The following LRGUK variants were observed in gnomAD, a reference collection of about 807,000 sequenced individuals.
The protein encoded by LRGUK is leucine rich repeats and guanylate kinase domain containing.
Under a neutral mutation model 76.0 loss-of-function variants are expected in LRGUK, and 65 were observed. The observed-to-expected ratio is 0.85, with a 90% CI of 0.70 to 1.05. LRGUK has a LOEUF of 1.05. Ranked by LOEUF, LRGUK falls within the 50% of genes least tolerant of loss-of-function variation. The probability of loss-of-function intolerance (pLI) is 0.00; values close to 1 mark genes in which losing one functional copy is unlikely to be tolerated. For missense variants in LRGUK, 758 were observed against 732.8 expected (o/e 1.03, Z -0.40); for synonymous variants, 268 against 265.6 (o/e 1.01, Z -0.09).
chr7:134,202,603 T>G (rs1043866104), intron 15 of LRGUK, among the ~76,000 whole-genome samples: 1 of 152,194 alleles, frequency 6.6e-6, no homozygotes, highest in African/African-American at 2.4e-5. Flanking sequence ...AATAGAATTT[T>G]ATTTGACCTT....
intron 7 of LRGUK, among the ~76,000 whole-genome samples, chr7:134,169,133 GACACAC>G (rs36204942): frequency 0.025 from 3,392 of 135,188 alleles, 47 homozygotes; most frequent in East Asian, 0.069. Context: ...AAGGGAAGAA[GACACAC>G]ACACACACAC....
chr7:134,144,942 A>G (rs2116853985), intron 4 of LRGUK, among the ~76,000 whole-genome samples: 1 of 152,238 alleles, frequency 6.6e-6, no homozygotes, highest in Non-Finnish European at 1.5e-5. Context: ...GCCTTGTCTG[A>G]AGCCACAGGG....
chr7:134,138,128 G>T, intron 2 of LRGUK, among the ~76,000 whole-genome samples: 1 of 152,168 alleles, frequency 6.6e-6, no homozygotes, highest in East Asian at 1.9e-4. Context: ...GCATTGCACT[G>T]TGTTTGACGC....
chr7:134,207,091 G>A (rs1801039923), intron 15 of LRGUK, among the ~76,000 whole-genome samples: 1 of 152,114 alleles, frequency 6.6e-6, no homozygotes, highest in African/African-American at 2.4e-5. Flanking sequence ...AGCAAAAGAA[G>A]CTTTAGCACA....
chr7:134,275,074 A>G, the LRGUK span, among the ~76,000 whole-genome samples: 1 of 151,716 alleles, frequency 6.6e-6, no homozygotes, highest in South Asian at 2.1e-4. Context: ...ATTTATAGTA[A>G]TTTGGAAGGT....
intron 16 of LRGUK, among the ~76,000 whole-genome samples, chr7:134,244,855 A>AT (rs1161836940): frequency 1.1e-4 from 17 of 152,304 alleles, no homozygotes; most frequent in Non-Finnish European, 2.2e-4. Context: ...CACATACACC[A>AT]CGAATACTAC....
At chr7:134,163,917 A>G (rs1375920080) in intron 7 of LRGUK, among the ~76,000 whole-genome samples, 1 of 152,190 alleles carries the variant, frequency 6.6e-6, no homozygotes, top group African/African-American at 2.4e-5. Flanking sequence ...GTGTTGCTCC[A>G]TATCTGCCAT....
chr7:134,263,980 G>C, exon 20 of LRGUK: 4 of 1,604,836 alleles, frequency 2.5e-6, no homozygotes, highest in Non-Finnish European at 3.4e-6. Flanking sequence ...AGGTAGACTA[G>C]CACTTGATGT....
At chr7:134,161,882 C>T (rs548947262) in intron 6 of LRGUK, among the ~76,000 whole-genome samples, 4 of 151,924 alleles carry the variant, frequency 2.6e-5, no homozygotes, top group African/African-American at 9.7e-5. Flanking sequence ...TTAGTAGAGA[C>T]GGAGTTTCAC....
intron 4 of LRGUK, among the ~76,000 whole-genome samples, chr7:134,146,081 A>G (rs1003447857): frequency 6.6e-6 from 1 of 152,050 alleles, no homozygotes; most frequent in African/African-American, 2.4e-5. Context: ...AAGACCAGCC[A>G]TGGTCAACAT....
chr7:134,143,077 G>A, exon 4 of LRGUK: 1 of 1,590,496 alleles, frequency 6.3e-7, no homozygotes, highest in Non-Finnish European at 8.6e-7. Flanking sequence ...TCTTGTGTGA[G>A]TTGTATGCCT....
chr7:134,219,606 G>A (rs1017086224), intron 15 of LRGUK, among the ~76,000 whole-genome samples: 2 of 151,874 alleles, frequency 1.3e-5, no homozygotes, highest in Non-Finnish European at 2.9e-5. Context: ...TTCCTAATGC[G>A]CTGTACTTAG....
At chr7:134,159,132 G>A (rs1416319463) in intron 6 of LRGUK, among the ~76,000 whole-genome samples, 1 of 152,030 alleles carries the variant, frequency 6.6e-6, no homozygotes, top group Non-Finnish European at 1.5e-5. Flanking sequence ...GAGTCCAGGA[G>A]TTCGAGACCA....
chr7:134,197,502 G>A (rs759850200), intron 13 of LRGUK, among the ~76,000 whole-genome samples: 3 of 152,148 alleles, frequency 2.0e-5, no homozygotes, highest in Non-Finnish European at 4.4e-5. Flanking sequence ...TTACATAAAA[G>A]GTTGTAGATA....
intron 17 of LRGUK, 139 bp from the exon 18 acceptor site, chr7:134,248,812 G>T (rs1278458180): frequency 7.1e-6 from 4 of 560,186 alleles, no homozygotes; most frequent in Non-Finnish European, 2.7e-6. Context: ...GCATGTTTCT[G>T]AGTGGATATA....
intron 15 of LRGUK, among the ~76,000 whole-genome samples, chr7:134,202,516 A>T (rs1452187628): frequency 6.6e-6 from 1 of 152,218 alleles, no homozygotes; most frequent in African/African-American, 2.4e-5. Context: ...TGAAGGCAGG[A>T]TCTCAAAAAG....
chr7:134,209,245 A>T (rs1185925380), exon 16 of LRGUK: 1 of 398,810 alleles, frequency 2.5e-6, no homozygotes, highest in East Asian at 3.6e-5. Context: ...CTCTACAGGG[A>T]CCTGGCCCCA....
chr7:134,239,139 C>G (rs1356174661), intron 16 of LRGUK, among the ~76,000 whole-genome samples: 7 of 152,158 alleles, frequency 4.6e-5, no homozygotes, highest in Non-Finnish European at 1.0e-4. Flanking sequence ...TCTGCAGCTC[C>G]CAGCATGAGC....
At chr7:134,139,869 G>C (rs1797696699) in intron 3 of LRGUK, among the ~76,000 whole-genome samples, 1 of 151,608 alleles carries the variant, frequency 6.6e-6, no homozygotes, top group African/African-American at 2.4e-5. Context: ...AGATGAATTA[G>C]TCTTTTTTTT....
Sources: gnomAD v4.1 joint callset for allele counts (sites outside exome capture counted in the v4.1 genomes callset) on GRCh38, gnomAD v4.1.1 for gene constraint, MANE v1.5 for transcripts, NCBI Gene and HGNC (gene_info 2026-07-23, HGNC 2026-07-21) for gene names.